STK17B: variants seen among roughly 807,000 people sequenced by gnomAD.
The protein encoded by STK17B is serine/threonine-protein kinase 17B.
In STK17B, 21 loss-of-function variants were observed where a neutral mutation model predicts 42.0. The observed-to-expected ratio is 0.50, with a 90% CI of 0.35 to 0.72. The LOEUF (loss-of-function observed/expected upper bound fraction) is 0.72. Ranked by LOEUF, STK17B falls within the 30% of genes least tolerant of loss-of-function variation. The probability of loss-of-function intolerance (pLI) is 0.00; values close to 1 mark genes in which losing one functional copy is unlikely to be tolerated. For synonymous variants in STK17B, 143 were observed against 148.4 expected (o/e 0.96, Z 0.26); for missense variants, 349 against 446.0 (o/e 0.78, Z 1.96).
intron 1 of STK17B, among the ~76,000 whole-genome samples, chr2:196,168,947 G>C (rs1189774631): frequency 6.6e-6 from 1 of 152,218 alleles, no homozygotes; most frequent in South Asian, 2.1e-4. Flanking sequence ...TAAGTGGAAA[G>C]GTAGTAGATA....
intron 1 of STK17B, among the ~76,000 whole-genome samples, chr2:196,165,014 TGA>T (rs1318878569): frequency 1.3e-5 from 2 of 152,220 alleles, no homozygotes; most frequent in African/African-American, 2.4e-5. Flanking sequence ...ATACCAGCTA[TGA>T]GACCTTAATT....
chr2:196,149,228 A>G (rs962458420), intron 3 of STK17B, among the ~76,000 whole-genome samples: 1 of 151,432 alleles, frequency 6.6e-6, no homozygotes, highest in Admixed American at 6.6e-5. Flanking sequence ...CAGTAGTGCA[A>G]TCTCTACTCA....
intron 4 of STK17B, among the ~76,000 whole-genome samples, chr2:196,144,945 A>G (rs1207784233): frequency 6.6e-6 from 1 of 152,046 alleles, no homozygotes; most frequent in African/African-American, 2.4e-5. Context: ...CCACAGGTTT[A>G]TATGCCATCC....
In STK17B at chr2:196,163,265, C is replaced by T; in HGVS notation, c.119G>A (p.Gly40Glu). 6.2e-7 allele frequency: 1 copy of T among 1,608,972 alleles called. No individual in the cohort carries two copies. The highest frequency in any genetic ancestry group is 2.2e-5 in the East Asian group (1 of 44,716). Residue 40 changes from glycine to glutamate, a missense_variant, in exon 2 of 8, where the codon GGG becomes GAG. Around this residue, in one of 3 missense-constraint regions of STK17B, gnomAD observed 256 missense variants for 347.7 expected, o/e 0.74. Transcript: ENST00000263955. Reference sequence around the variant, plus strand: ...ACACGTCATATGGTTTTCTTACCTCCCTAGCTCTTTAGATGTAAGTATATA... The same window carrying T: ...ACACGTCATATGGTTTTCTTACCTCTCTAGCTCTTTAGATGTAAGTATATA... ...NFYILTSKEL[G>E]RGKFAVVRQC... is the part of the protein sequence containing the mutation.
chr2:196,167,378 T>C (rs1420261791), intron 1 of STK17B, among the ~76,000 whole-genome samples: 3 of 152,232 alleles, frequency 2.0e-5, no homozygotes, highest in Non-Finnish European at 4.4e-5. Flanking sequence ...AACTGAATTG[T>C]AAGAATTATG....
At chr2:196,169,685 A>C (rs1029394202) in intron 1 of STK17B, among the ~76,000 whole-genome samples, 10 of 152,232 alleles carry the variant, frequency 6.6e-5, no homozygotes, top group Non-Finnish European at 1.5e-4. Flanking sequence ...ATATGCTAAC[A>C]CAGCGATTAG....
At position 196,163,299 on chromosome 2, in the gene STK17B, TAA is replaced by T; in HGVS notation, c.83_84del (p.Phe28Ter). On this transcript the variant is annotated frameshift_variant, in exon 2 of 8. Transcript: ENST00000263955. LOFTEE classifies it high-confidence loss of function. ...TPQIPIKMEN[F>X]NNFYILTSKE... ...TTAGATGTAAGTATATAGAAATTAT[TAA>T]AGTTTTCCATTTTTATTGGAATTTG... The T allele has an allele frequency of 6.2e-7, 1 of 1,608,284 alleles. No homozygotes were observed. Among genetic ancestry groups the T allele is most frequent in the South Asian group, 1.1e-5 (1 of 90,088 alleles).
intron 3 of STK17B, chr2:196,151,236 T>C (rs1314985798): frequency 6.6e-6 from 1 of 152,106 alleles, no homozygotes; most frequent in Non-Finnish European, 1.5e-5. Flanking sequence ...TGTTCTGTGT[T>C]CTCCAAAAGG....
intron 3 of STK17B, 174 bp downstream of exon 3, chr2:196,156,265 C>T: frequency 1.8e-6 from 1 of 559,664 alleles, no homozygotes; most frequent in Admixed American, 3.7e-5. Flanking sequence ...TGTGTATGTG[C>T]CCGAGGCTAT....
intron 4 of STK17B, among the ~76,000 whole-genome samples, chr2:196,144,608 T>C (rs1224624350): frequency 1.4e-5 from 2 of 143,382 alleles, no homozygotes; most frequent in African/African-American, 5.3e-5. Flanking sequence ...AAATGAAAAA[T>C]GGTTCAGTAC....
chr2:196,161,555 G>A (rs756146549), intron 2 of STK17B, among the ~76,000 whole-genome samples: 1 of 107,372 alleles, frequency 9.3e-6, no homozygotes, highest in Non-Finnish European at 1.7e-5. Context: ...GTCTCACTGT[G>A]TTGCCCAAGC....
At chr2:196,172,916 G>C (rs1699965318), upstream of STK17B, among the ~76,000 whole-genome samples, 1 of 152,126 alleles carries the variant, frequency 6.6e-6, no homozygotes, top group Non-Finnish European at 1.5e-5. Flanking sequence ...GAGCATAGGT[G>C]TTGCATTCCA....
At chr2:196,142,089 T>C (rs1699502623) in intron 5 of STK17B, among the ~76,000 whole-genome samples, 1 of 152,174 alleles carries the variant, frequency 6.6e-6, no homozygotes, top group African/African-American at 2.4e-5. Context: ...AGTTTCGCTC[T>C]TGTTGCCCAG....
intron 3 of STK17B, chr2:196,155,995 CCTT>C (rs1699733160): frequency 6.4e-6 from 1 of 156,090 alleles, no homozygotes; most frequent in Admixed American, 6.3e-5. Context: ...TTTCTATTCT[CCTT>C]ATTTTCTTGA....
In STK17B at chr2:196,136,312, T is replaced by C. The variant is rs1284765075; in HGVS notation, c.*1135A>G. 2.0e-5 allele frequency: 3 copies of C among 152,334 alleles called. No homozygotes were observed. Among genetic ancestry groups the C allele is most frequent in the Non-Finnish European group, 4.4e-5 (3 of 68,040 alleles). 9.4% of individuals were successfully genotyped at this position (152,334 alleles called of 1,614,324 possible). A position where few individuals can be genotyped will look rare whatever the true frequency, so the allele number is the denominator to read the frequency against. On this transcript the variant is annotated 3_prime_UTR_variant, in exon 8 of 8. Coordinates refer to ENST00000263955, the MANE Select transcript of STK17B (RefSeq NM_004226.4). ...ATTTTGCTCTCCCTAGTCTCTTGCATTGGTCCCAGCAAAAGACCACAATGA... is the reference window on the plus strand; with the variant it reads ...ATTTTGCTCTCCCTAGTCTCTTGCACTGGTCCCAGCAAAAGACCACAATGA...
chr2:196,168,092 C>T (rs532632646), intron 1 of STK17B, among the ~76,000 whole-genome samples: 17 of 152,134 alleles, frequency 1.1e-4, no homozygotes, highest in Non-Finnish European at 2.1e-4. Flanking sequence ...ATGTATTCTG[C>T]CAACAGGTTT....
chr2:196,160,961 T>C (rs887726191), intron 2 of STK17B, among the ~76,000 whole-genome samples: 1 of 152,210 alleles, frequency 6.6e-6, no homozygotes, highest in African/African-American at 2.4e-5. Context: ...AAAAATACTT[T>C]ATAGATTTTT....
intron 4 of STK17B, 141 bp from the exon 5 acceptor site, chr2:196,143,827 T>C (rs771549166): frequency 3.2e-5 from 23 of 728,472 alleles, no homozygotes; most frequent in Non-Finnish European, 4.3e-5. Context: ...ACTGACTTAC[T>C]ACTTAGGCGG....
chr2:196,158,161 A>C (rs1225540506), intron 2 of STK17B, among the ~76,000 whole-genome samples: 1 of 152,170 alleles, frequency 6.6e-6, no homozygotes, highest in Non-Finnish European at 1.5e-5. Flanking sequence ...TTTCTAACAC[A>C]GTCTATCAGA....
Sources: allele counts gnomAD v4.1 joint callset (sites outside exome capture counted in the v4.1 genomes callset), GRCh38; gene constraint gnomAD v4.1.1; regional missense constraint gnomAD v4.1.1; transcripts MANE v1.5; gene names NCBI Gene and HGNC (gene_info 2026-07-23, HGNC 2026-07-21).